The following PMM2 variants were observed in gnomAD, a reference collection of about 807,000 sequenced individuals.
The protein encoded by PMM2 is phosphomannomutase 2.
Under a neutral mutation model 33.2 loss-of-function variants are expected in PMM2, and 35 were observed. The ratio of observed to expected loss-of-function variants is 1.06; its 90% CI spans 0.81 to 1.40. PMM2 has a LOEUF of 1.40. PMM2 is among the 40% of genes most tolerant of loss of function. PMM2 has a pLI of 0.00. For missense variants in PMM2, 386 were observed against 306.0 expected, an observed-to-expected ratio of 1.26 and a Z score of -1.95; for synonymous variants, 153 against 114.7, an observed-to-expected ratio of 1.33 and a Z score of -2.13.
Position 8,797,841 on chromosome 16 carries a change from C to G in PMM2, c.-42C>G, listed in dbSNP as rs1344836955. ...CCCGGAAGTTCCGGGCCGAGTTCCT[C>G]GTGCCAACGTGTCTTGTAAGGTGCG... On this transcript the variant is annotated 5_prime_UTR_variant, in exon 1 of 8. Coordinates refer to ENST00000268261, the MANE Select transcript of PMM2 (RefSeq NM_000303.3). 6.3e-7 allele frequency: 1 copy of G among 1,599,202 alleles called. No individual in the cohort carries two copies. Among genetic ancestry groups the G allele is most frequent in the South Asian group, 1.1e-5 (1 of 88,848 alleles).
chr16:8,841,362 C>CAGA (rs2060889647), intron 7 of PMM2, among the ~76,000 whole-genome samples: 1 of 151,152 alleles, frequency 6.6e-6, no homozygotes, highest in Admixed American at 6.6e-5. Flanking sequence ...AAGGCCTCTA[C>CAGA]TTATCTAGTG....
At chr16:8,818,229 T>G (rs1245540149) in intron 7 of PMM2, among the ~76,000 whole-genome samples, 1 of 152,218 alleles carries the variant, frequency 6.6e-6, no homozygotes, top group African/African-American at 2.4e-5. Context: ...GGCTGTATAA[T>G]ATTCTCTCAT....
At chr16:8,829,566 T>A (rs2060798180) in intron 7 of PMM2, among the ~76,000 whole-genome samples, 1 of 152,170 alleles carries the variant, frequency 6.6e-6, no homozygotes, top group South Asian at 2.1e-4. Context: ...AGCATCAACT[T>A]GGCAAGGCTC....
intron 4 of PMM2, chr16:8,809,679 T>G (rs1457759639): frequency 6.6e-6 from 1 of 152,142 alleles, no homozygotes; most frequent in Non-Finnish European, 1.5e-5. Context: ...TCTTGACTCC[T>G]GACCTCAAGG....
At chr16:8,801,041 C>T (rs1261291203) in intron 1 of PMM2, among the ~76,000 whole-genome samples, 2 of 152,124 alleles carry the variant, frequency 1.3e-5, no homozygotes, top group Admixed American at 1.3e-4. Context: ...AACTTAAATC[C>T]ATAAATGGAG....
intron 7 of PMM2, among the ~76,000 whole-genome samples, chr16:8,826,419 C>G (rs1445996146): frequency 6.6e-6 from 1 of 152,172 alleles, no homozygotes; most frequent in Admixed American, 6.5e-5. Context: ...GGAGTCATGG[C>G]TACCTCCATA....
intron 4 of PMM2, 162 bp from the exon 5 acceptor site, chr16:8,810,917 C>CA (rs2060673572): frequency 1.5e-6 from 1 of 658,562 alleles, no homozygotes; most frequent in Non-Finnish European, 2.8e-6. Context: ...TCTTAATAGT[C>CA]ACAGTAGTTC....
chr16:8,818,251 T>G (rs964397569), intron 7 of PMM2, among the ~76,000 whole-genome samples: 1 of 152,254 alleles, frequency 6.6e-6, no homozygotes, highest in African/African-American at 2.4e-5. Context: ...AGGCATCAGT[T>G]ACTCACCTCC....
intron 7 of PMM2, among the ~76,000 whole-genome samples, chr16:8,833,783 C>CT (rs2060826498): frequency 1.3e-5 from 2 of 152,150 alleles, no homozygotes; most frequent in Middle Eastern, 3.4e-3. Flanking sequence ...TATAAAAGGT[C>CT]TAAGAATTGG....
intron 7 of PMM2, among the ~76,000 whole-genome samples, chr16:8,845,961 G>A (rs1021609630): frequency 2.6e-5 from 4 of 152,168 alleles, no homozygotes; most frequent in Non-Finnish European, 4.4e-5. Context: ...GGCAAAATCA[G>A]AATTACCAGA....
intron 7 of PMM2, among the ~76,000 whole-genome samples, chr16:8,819,542 C>T (rs943406816): frequency 6.6e-6 from 1 of 151,644 alleles, no homozygotes; most frequent in Admixed American, 6.6e-5. Flanking sequence ...ATTTTTAAAT[C>T]AACTTGAGAA....
chr16:8,839,078 C>G (rs560859904), intron 7 of PMM2, among the ~76,000 whole-genome samples: 16 of 151,970 alleles, frequency 1.1e-4, no homozygotes, highest in African/African-American at 3.6e-4. Context: ...GAAATGCCTG[C>G]TATTCCAGTA....
chr16:8,833,593 TA>T (rs1207513946), intron 7 of PMM2, among the ~76,000 whole-genome samples: 3 of 151,416 alleles, frequency 2.0e-5, no homozygotes, highest in African/African-American at 2.4e-5. Flanking sequence ...CAAGCGGGAT[TA>T]GGGGCGGCGT....
intron 7 of PMM2, among the ~76,000 whole-genome samples, chr16:8,839,899 T>A (rs1480199128): frequency 6.9e-6 from 1 of 144,130 alleles, no homozygotes; most frequent in Non-Finnish European, 1.5e-5. Flanking sequence ...AAAGGTTTTT[T>A]AAATAAGTGT....
intron 7 of PMM2, among the ~76,000 whole-genome samples, chr16:8,838,296 T>C (rs2141043630): frequency 6.6e-6 from 1 of 152,280 alleles, no homozygotes; most frequent in Middle Eastern, 3.4e-3. Context: ...CAGCTAAGGC[T>C]ATTTTTACTT....
intron 1 of PMM2, among the ~76,000 whole-genome samples, chr16:8,800,059 T>C (rs2060604134): frequency 6.6e-6 from 1 of 152,154 alleles, no homozygotes; most frequent in Non-Finnish European, 1.5e-5. Context: ...TTTCTAAATT[T>C]CTAGTAAAAA....
Position 8,847,710 on chromosome 16 carries a change from T to A in PMM2, c.640-14T>A. The A allele has an allele frequency of 6.3e-7, 1 of 1,597,550 alleles. No individual in the cohort carries two copies. ...ACGAGGGGGAGCCTTCATCTGTACTTCGTGTCTTTCCAGGGTGGCAATGAC... is the reference window on the plus strand; with the variant it reads ...ACGAGGGGGAGCCTTCATCTGTACTACGTGTCTTTCCAGGGTGGCAATGAC... On this transcript the variant is annotated splice_polypyrimidine_tract_variant and intron_variant, in intron 7 of 7. Coordinates refer to ENST00000268261, the MANE Select transcript of PMM2 (RefSeq NM_000303.3).
At chr16:8,820,781 C>G (rs989048916) in intron 7 of PMM2, among the ~76,000 whole-genome samples, 2 of 152,210 alleles carry the variant, frequency 1.3e-5, no homozygotes, top group African/African-American at 4.8e-5. Flanking sequence ...CAACCAGCGT[C>G]TGCTTCCTTC....
chr16:8,828,381 C>T (rs940082723), intron 7 of PMM2, among the ~76,000 whole-genome samples: 11 of 152,212 alleles, frequency 7.2e-5, no homozygotes, highest in South Asian at 2.1e-4. Flanking sequence ...GCACCCATTC[C>T]GTAAGCTGGG....
Sources: allele counts gnomAD v4.1 joint callset (sites outside exome capture counted in the v4.1 genomes callset), GRCh38; gene constraint gnomAD v4.1.1; transcripts MANE v1.5; gene names NCBI Gene and HGNC (gene_info 2026-07-23, HGNC 2026-07-21).